OXR1: variants seen among roughly 807,000 people sequenced by gnomAD.
The protein encoded by OXR1 is oxidation resistance 1.
A neutral mutation model predicts 104.6 loss-of-function variants in OXR1; 41 were observed. The observed-to-expected ratio is 0.39, with a 90% CI of 0.31 to 0.51. The LOEUF is 0.51. Ranked by LOEUF, OXR1 falls within the 20% of genes least tolerant of loss-of-function variation. The pLI, the probability that OXR1 is intolerant of heterozygous loss-of-function variation, is 0.77. For synonymous variants in OXR1, 348 were observed against 348.4 expected (o/e 1.00, Z 0.01); for missense variants, 955 against 1,031.9 (o/e 0.93, Z 1.02).
At chr8:106,672,429 GT>G (rs1563690058) in intron 3 of OXR1, among the ~76,000 whole-genome samples, 1 of 151,880 alleles carries the variant, frequency 6.6e-6, no homozygotes, top group Admixed American at 6.6e-5. Flanking sequence ...TGGGGTTGCA[GT>G]GAGCCAAGAT....
intron 3 of OXR1, among the ~76,000 whole-genome samples, chr8:106,604,028 G>T (rs1205397746): frequency 6.6e-6 from 1 of 152,074 alleles, no homozygotes; most frequent in Non-Finnish European, 1.5e-5. Context: ...ACTCCAGCCT[G>T]GGCAACAGAG....
At position 106,750,949 on chromosome 8, in the gene OXR1, G is replaced by C; in HGVS notation, c.*8G>C. Reference sequence around the variant, plus strand: ...ATCTGGGCTTTTGAATAAATAAAATGCTCTCTGTCTTAGCAGGAGAATGGC... The same window carrying C: ...ATCTGGGCTTTTGAATAAATAAAATCCTCTCTGTCTTAGCAGGAGAATGGC... On this transcript the variant is annotated 3_prime_UTR_variant, in exon 17 of 17. Coordinates refer to ENST00000517566, the MANE Select transcript of OXR1 (RefSeq NM_001198533.2). The C allele has an allele frequency of 6.3e-7, 1 of 1,596,486 alleles. No individual in the cohort carries two copies. Among genetic ancestry groups the C allele is most frequent in the Non-Finnish European group, 8.5e-7 (1 of 1,173,774 alleles).
In OXR1 at chr8:106,474,837, T is replaced by C. The variant is rs576894640; in HGVS notation, c.24-44106T>C. Among the ~76,000 whole-genome samples the C allele has an allele frequency of 9.5e-4, 144 of 152,074 alleles. 2 individuals are homozygous for C. The Middle Eastern group carries it at 0.017, about 18-fold the overall frequency. On this transcript the variant is annotated intron_variant, in intron 2 of 16. Transcript: ENST00000517566. ...TTCTTCATCTGCAAAATGAAGATAA[T>C]AAACTGTACCTATTTCATAGAATTT...
chr8:106,574,338 C>A (rs903948236), intron 3 of OXR1, among the ~76,000 whole-genome samples: 1 of 152,252 alleles, frequency 6.6e-6, no homozygotes, highest in Admixed American at 6.5e-5. Flanking sequence ...ATCTCTAGGT[C>A]TAAAAAGCCT....
chr8:106,415,805 CT>C (rs1377950584), intron 2 of OXR1, among the ~76,000 whole-genome samples: 6 of 152,082 alleles, frequency 3.9e-5, no homozygotes, highest in Admixed American at 2.0e-4. Context: ...AGTAAGCCTT[CT>C]TCCTTTTTCC....
chr8:106,424,727 C>G (rs913788387), intron 2 of OXR1, among the ~76,000 whole-genome samples: 1 of 152,100 alleles, frequency 6.6e-6, no homozygotes, highest in Admixed American at 6.6e-5. Flanking sequence ...AAGGTCTTAT[C>G]TCCACTAGCA....
At chr8:106,277,616 A>AT (rs1812106390) in intron 1 of OXR1, among the ~76,000 whole-genome samples, 2 of 152,206 alleles carry the variant, frequency 1.3e-5, no homozygotes, top group Non-Finnish European at 2.9e-5. Context: ...GCAGGACCTG[A>AT]TTCAGGGCTC....
intron 2 of OXR1, among the ~76,000 whole-genome samples, chr8:106,456,323 T>G (rs1423301600): frequency 6.6e-6 from 1 of 152,150 alleles, no homozygotes. Flanking sequence ...TCTCATAGTG[T>G]TGTTGTTTCC....
intron 3 of OXR1, among the ~76,000 whole-genome samples, chr8:106,605,921 C>CAATAAAATGTGGATGATAAT (rs58987733): frequency 0.6 from 88,875 of 147,940 alleles, 27,839 homozygotes; most frequent in African/African-American, 0.79. Flanking sequence ...TTTTTATTTT[C>CAATAAAATGTGGATGATAAT]AATAAAATGT....
chr8:106,473,007 C>T (rs1350555255), intron 2 of OXR1, among the ~76,000 whole-genome samples: 1 of 151,860 alleles, frequency 6.6e-6, no homozygotes, highest in East Asian at 1.9e-4. Flanking sequence ...TTATACATTA[C>T]TTGTATGTAG....
rs75092629 is a variant in OXR1, at chr8:106,675,626, C to G, written c.221-3584C>G. On this transcript the variant is annotated intron_variant, in intron 3 of 16. Coordinates refer to ENST00000517566, the MANE Select transcript of OXR1 (RefSeq NM_001198533.2). Reference sequence around the variant, plus strand: ...TATAGTTTTGAGTGAATTTCTTAGTCTAATTTTTCTAATTTGATTTTGCTG... The same window carrying G: ...TATAGTTTTGAGTGAATTTCTTAGTGTAATTTTTCTAATTTGATTTTGCTG... Among the ~76,000 whole-genome samples the G allele has an allele frequency of 2.8e-3, 421 of 152,238 alleles. 2 individuals carry two copies. Among genetic ancestry groups the G allele is most frequent in the African/African-American group, 9.6e-3 (399 of 41,560 alleles).
intron 3 of OXR1, among the ~76,000 whole-genome samples, chr8:106,667,204 T>C (rs1487134631): frequency 6.6e-6 from 1 of 152,022 alleles, no homozygotes; most frequent in Non-Finnish European, 1.5e-5. Context: ...AAAGATTTGA[T>C]CTTGAAATCT....
At chr8:106,647,782 T>C (rs1824209613) in intron 3 of OXR1, among the ~76,000 whole-genome samples, 1 of 152,222 alleles carries the variant, frequency 6.6e-6, no homozygotes, top group Non-Finnish European at 1.5e-5. Flanking sequence ...GTGTGGGCTA[T>C]GATGCCCAAC....
chr8:106,368,999 C>G (rs797021725), intron 2 of OXR1, among the ~76,000 whole-genome samples: 3 of 152,308 alleles, frequency 2.0e-5, no homozygotes, highest in South Asian at 4.1e-4. Context: ...AATGGTTGAA[C>G]TAATTTGCAT....
Position 106,721,253 on chromosome 8 carries a change from A to C in OXR1, c.1956+7268A>C, listed in dbSNP as rs991594107. 2.6e-5 allele frequency among the ~76,000 whole-genome samples: 4 copies of C among 152,126 alleles called. 1 individual carries two copies. Among genetic ancestry groups the C allele is most frequent in the African/African-American group, 2.4e-5 (1 of 41,550 alleles). On this transcript the variant is annotated intron_variant, in intron 11 of 16. Transcript: ENST00000517566. ...TAAAAGCTGGCAGAGAAAGCTTTCC[A>C]AAATTTTTCATCTCTAATTTTATAC...
chr8:106,576,732 A>G (rs1817867839), intron 3 of OXR1, among the ~76,000 whole-genome samples: 1 of 152,150 alleles, frequency 6.6e-6, no homozygotes, highest in Admixed American at 6.5e-5. Flanking sequence ...CATAGTGACT[A>G]TGATGGCATT....
At chr8:106,353,535 G>C (rs1815826829) in intron 1 of OXR1, among the ~76,000 whole-genome samples, 1 of 151,652 alleles carries the variant, frequency 6.6e-6, no homozygotes, top group African/African-American at 2.4e-5. Context: ...TATTATTTTT[G>C]AGTCATTCAA....
chr8:106,278,482 A>G (rs1812149014), intron 1 of OXR1, among the ~76,000 whole-genome samples: 1 of 147,066 alleles, frequency 6.8e-6, no homozygotes, highest in South Asian at 2.1e-4. Flanking sequence ...ATGGGCAACT[A>G]AAAAAAAAAT....
intron 1 of OXR1, among the ~76,000 whole-genome samples, chr8:106,353,739 T>G (rs1319361779): frequency 1.3e-5 from 2 of 152,170 alleles, no homozygotes; most frequent in Admixed American, 1.3e-4. Flanking sequence ...TTTTTTATGG[T>G]GAGAACATTA....
Sources: allele counts gnomAD v4.1 joint callset (sites outside exome capture counted in the v4.1 genomes callset), GRCh38; gene constraint gnomAD v4.1.1; transcripts MANE v1.5; gene names NCBI Gene and HGNC (gene_info 2026-07-23, HGNC 2026-07-21).